The following CPNE4 variants were observed in gnomAD, a reference collection of about 807,000 sequenced individuals.
CPNE4 encodes copine 4, also known as copine-4.
CPNE4 carries 25 observed loss-of-function variants against 67.9 expected under a neutral mutation model. The ratio of observed to expected loss-of-function variants is 0.37; its 90% CI spans 0.27 to 0.51. The LOEUF (loss-of-function observed/expected upper bound fraction) is 0.51, where lower values mean the gene tolerates loss of function less well. Among genes scored for constraint, CPNE4 ranks in the 20% least tolerant of loss-of-function variants. The pLI, the probability that CPNE4 is intolerant of heterozygous loss-of-function variation, is 0.93. For synonymous variants in CPNE4, 242 were observed against 244.9 expected, an observed-to-expected ratio of 0.99 and a Z score of 0.11; for missense variants, 464 against 690.8, an observed-to-expected ratio of 0.67 and a Z score of 3.68.
chr3:131,600,217 C>G (rs1939126054), intron 7 of CPNE4, among the ~76,000 whole-genome samples: 1 of 152,032 alleles, frequency 6.6e-6, no homozygotes, highest in African/African-American at 2.4e-5. Flanking sequence ...CATGACTCTC[C>G]CTGGTTTATG....
chr3:131,933,716 TTC>T (rs2071136226), intron 1 of CPNE4, among the ~76,000 whole-genome samples: 1 of 151,986 alleles, frequency 6.6e-6, no homozygotes, highest in South Asian at 2.1e-4. Context: ...AAGAAGGAAA[TTC>T]TGTCATTTGT....
chr3:131,766,897 A>G (rs1201562036), intron 2 of CPNE4, among the ~76,000 whole-genome samples: 1 of 152,170 alleles, frequency 6.6e-6, no homozygotes, highest in East Asian at 1.9e-4. Context: ...CTAATAAATC[A>G]GTGATGCTCA....
At chr3:131,706,590 G>A (rs951841899) in intron 3 of CPNE4, among the ~76,000 whole-genome samples, 1 of 152,178 alleles carries the variant, frequency 6.6e-6, no homozygotes, top group East Asian at 1.9e-4. Context: ...ATGATAGGAA[G>A]GGGGAGTCAG....
At chr3:131,952,167 T>C (rs2071754911) in intron 1 of CPNE4, among the ~76,000 whole-genome samples, 1 of 149,608 alleles carries the variant, frequency 6.7e-6, no homozygotes, top group Non-Finnish European at 1.5e-5. Flanking sequence ...GGAGCATCTC[T>C]GCCCGGCCGC....
At chr3:131,980,607 C>A (rs1181332094) in intron 1 of CPNE4, among the ~76,000 whole-genome samples, 1 of 152,076 alleles carries the variant, frequency 6.6e-6, no homozygotes, top group African/African-American at 2.4e-5. Flanking sequence ...CTTCTTGTAT[C>A]ATTTTTTGGA....
At chr3:132,013,827 G>T (rs924667267) in intron 1 of CPNE4, among the ~76,000 whole-genome samples, 1 of 152,086 alleles carries the variant, frequency 6.6e-6, no homozygotes, top group Non-Finnish European at 1.5e-5. Context: ...TGTATATCTT[G>T]CCCAAAACAA....
At chr3:131,901,297 C>T (rs1292136788) in intron 2 of CPNE4, among the ~76,000 whole-genome samples, 4 of 151,998 alleles carry the variant, frequency 2.6e-5, no homozygotes, top group South Asian at 2.1e-4. Context: ...TTCCACTCCT[C>T]GATGGAAGAT....
chr3:131,655,541 C>T (rs1171152571), intron 7 of CPNE4, among the ~76,000 whole-genome samples: 2 of 152,086 alleles, frequency 1.3e-5, no homozygotes, highest in African/African-American at 4.8e-5. Context: ...TTTACTCTTT[C>T]ATGGGATAGC....
At chr3:131,960,692 A>G (rs1193358877) in intron 1 of CPNE4, among the ~76,000 whole-genome samples, 1 of 152,186 alleles carries the variant, frequency 6.6e-6, no homozygotes, top group Non-Finnish European at 1.5e-5. Flanking sequence ...AACCTCACTG[A>G]TGCCAGCTGG....
At chr3:131,886,114 A>G (rs1267748217) in intron 2 of CPNE4, among the ~76,000 whole-genome samples, 5 of 152,216 alleles carry the variant, frequency 3.3e-5, no homozygotes, top group African/African-American at 1.2e-4. Context: ...CTGAAGGCCT[A>G]GGAGGAAGAA....
intron 7 of CPNE4, among the ~76,000 whole-genome samples, chr3:131,654,479 A>G (rs1333467838): frequency 6.6e-6 from 1 of 151,996 alleles, no homozygotes; most frequent in Non-Finnish European, 1.5e-5. Context: ...GCTTCCACTT[A>G]CAAGTGAGAA....
chr3:131,775,358 G>A (rs959973590), intron 2 of CPNE4, among the ~76,000 whole-genome samples: 4 of 152,106 alleles, frequency 2.6e-5, no homozygotes, highest in Non-Finnish European at 5.9e-5. Context: ...CATCTTTGGT[G>A]GGGTAGAATT....
chr3:131,683,984 G>A (rs903124943), intron 6 of CPNE4, among the ~76,000 whole-genome samples: 2 of 152,050 alleles, frequency 1.3e-5, no homozygotes, highest in Admixed American at 6.6e-5. Context: ...TCTTCCCCAA[G>A]CACACAGATT....
At chr3:131,648,703 G>A (rs2079732052) in intron 7 of CPNE4, among the ~76,000 whole-genome samples, 1 of 152,158 alleles carries the variant, frequency 6.6e-6, no homozygotes, top group African/African-American at 2.4e-5. Context: ...TTTTTCATGT[G>A]GCTATCTTGG....
chr3:131,985,100 C>A (rs904656252), intron 1 of CPNE4, among the ~76,000 whole-genome samples: 1 of 152,174 alleles, frequency 6.6e-6, no homozygotes, highest in Admixed American at 6.5e-5. Context: ...GGCTCCCTTC[C>A]AAGTTGCAGA....
At chr3:131,736,923 A>G (rs1178390885) in intron 2 of CPNE4, among the ~76,000 whole-genome samples, 2 of 152,170 alleles carry the variant, frequency 1.3e-5, no homozygotes, top group Non-Finnish European at 2.9e-5. Flanking sequence ...TAATCTCAAC[A>G]GATCTTCAAT....
intron 7 of CPNE4, among the ~76,000 whole-genome samples, chr3:131,636,699 G>A (rs779613410): frequency 8.3e-4 from 127 of 152,288 alleles, no homozygotes; most frequent in Admixed American, 3.3e-3. Flanking sequence ...ATGCACTCTT[G>A]AAAGCGCAAC....
At chr3:132,008,750 A>G (rs1335285476) in intron 1 of CPNE4, among the ~76,000 whole-genome samples, 1 of 152,068 alleles carries the variant, frequency 6.6e-6, no homozygotes, top group Non-Finnish European at 1.5e-5. Flanking sequence ...CCAAAAACTT[A>G]TGTTTTTTTT....
intron 15 of CPNE4, among the ~76,000 whole-genome samples, chr3:131,538,139 A>T (rs1935269939): frequency 6.6e-6 from 1 of 152,218 alleles, no homozygotes; most frequent in African/African-American, 2.4e-5. Context: ...TGCTTGCAGC[A>T]AAAAATATTC....
Sources: allele counts gnomAD v4.1 joint callset (sites outside exome capture counted in the v4.1 genomes callset), GRCh38; gene constraint gnomAD v4.1.1; transcripts MANE v1.5; gene names NCBI Gene and HGNC (gene_info 2026-07-23, HGNC 2026-07-21).